Variants in PRKX observed in about 807,000 individuals in gnomAD.
The protein encoded by PRKX is protein kinase cAMP-dependent X-linked catalytic subunit, also known as cAMP-dependent protein kinase catalytic subunit PRKX.
A neutral mutation model predicts 22.0 loss-of-function variants in PRKX; 12 were observed. The observed-to-expected ratio is 0.54, with a 90% CI of 0.35 to 0.88. PRKX has a LOEUF of 0.88. PRKX is among the 40% of genes least tolerant of loss of function. The pLI is 0.01. For missense variants in PRKX, 217 were observed against 308.0 expected (o/e 0.70, Z 2.21); for synonymous variants, 134 against 137.7 (o/e 0.97, Z 0.19).
chrX:3,673,290 G>C (rs1467364026), intron 2 of PRKX, among the ~76,000 whole-genome samples: 14 of 111,536 alleles, frequency 1.3e-4, no homozygotes. Flanking sequence ...AGAAGCCCCG[G>C]AATGAGTGTG....
At chrX:3,638,578 GC>G (rs925423799) in intron 4 of PRKX, among the ~76,000 whole-genome samples, 3 of 111,621 alleles carry the variant, frequency 2.7e-5, no homozygotes, top group Admixed American at 9.6e-5. Context: ...GACATAATGG[GC>G]TAGGGTGCAT....
At chrX:3,623,015 T>C (rs1418016617) in intron 5 of PRKX, among the ~76,000 whole-genome samples, 2 of 111,634 alleles carry the variant, frequency 1.8e-5, no homozygotes, top group Non-Finnish European at 3.8e-5. Flanking sequence ...AGATAAACCT[T>C]TGTTTTCTTA....
chrX:3,645,267 G>C (rs2146576291), intron 3 of PRKX, among the ~76,000 whole-genome samples: 1 of 110,973 alleles, frequency 9.0e-6, no homozygotes, highest in African/African-American at 3.3e-5. Flanking sequence ...ACTATGGCCG[G>C]GGGGAGGGGA....
At chrX:3,671,974 C>T (rs988489846) in intron 2 of PRKX, among the ~76,000 whole-genome samples, 2 of 111,690 alleles carry the variant, frequency 1.8e-5, no homozygotes, top group African/African-American at 3.3e-5. Context: ...AAAACAAAAA[C>T]ATTATCTTCA....
In PRKX at chrX:3,709,183, C is replaced by CAAAAAAAA. The variant is rs35004174; in HGVS notation, c.166+3897_166+3904dup. 6.3e-3 allele frequency among the ~76,000 whole-genome samples: 301 copies of CAAAAAAAA among 47,608 alleles called. 14 individuals are homozygous for CAAAAAAAA. The highest frequency in any genetic ancestry group is 0.022 in the African/African-American group (274 of 12,578). The allele number at this position is 47,608 out of a possible 115,157, so 41.3% of individuals were successfully genotyped here. On this transcript the variant is annotated intron_variant, in intron 1 of 8. Transcript: ENST00000262848. ...TGGGCAACAGAGTGAGACCCTGTCT[C>CAAAAAAAA]AAAAAAAAAAAAAAAAAAAAGCTGA...
rs1237393891 is a variant in PRKX at position 3,614,247 on chromosome X, C to T, written c.951+1568G>A. Among the ~76,000 whole-genome samples, 4 of 112,376 alleles carry T rather than the reference C, an allele frequency of 3.6e-5. No individual in the cohort carries two copies. The East Asian group carries it at 1.1e-3, about 31-fold the overall frequency. ...GTGCAGCGGCTCATGCCTGTAATCC[C>T]AGCACTTCTTTGGGAGACTGAGGCT... On this transcript the variant is annotated intron_variant, in intron 7 of 8. Transcript: ENST00000262848.
chrX:3,677,844 A>G (rs1927995999), intron 1 of PRKX, among the ~76,000 whole-genome samples: 2 of 112,509 alleles, frequency 1.8e-5, no homozygotes, highest in Non-Finnish European at 3.7e-5. Flanking sequence ...AAAAAGTGTA[A>G]GAAGGAAACA....
chrX:3,616,001 A>G (rs1926413419), intron 6 of PRKX, 109 bp from the exon 7 acceptor site: 1 of 703,009 alleles, frequency 1.4e-6, no homozygotes, highest in Admixed American at 2.8e-5. Context: ...CAAACAGACC[A>G]AGTTTGCTGC....
chrX:3,635,842 C>T (rs1348051637), intron 4 of PRKX, among the ~76,000 whole-genome samples: 1 of 111,842 alleles, frequency 8.9e-6, no homozygotes, highest in Non-Finnish European at 1.9e-5. Flanking sequence ...TCTTCTGTCT[C>T]AGCCTCCCAA....
At chrX:3,689,977 G>GA (rs1198390044) in intron 1 of PRKX, among the ~76,000 whole-genome samples, 1 of 110,544 alleles carries the variant, frequency 9.0e-6, no homozygotes, top group Non-Finnish European at 1.9e-5. Context: ...ACTCTGTCTC[G>GA]AAAAAAACAA....
At chrX:3,621,850 T>TG (rs1399186228) in intron 5 of PRKX, among the ~76,000 whole-genome samples, 2 of 110,828 alleles carry the variant, frequency 1.8e-5, no homozygotes, top group Admixed American at 9.7e-5. Context: ...GTACAGCAGG[T>TG]GGGGAGGTTG....
At chrX:3,647,057 AAAGGT>A (rs1927203066) in intron 3 of PRKX, among the ~76,000 whole-genome samples, 1 of 111,264 alleles carries the variant, frequency 9.0e-6, no homozygotes, top group Non-Finnish European at 1.9e-5. Flanking sequence ...AGCTAGGGGA[AAAGGT>A]CTAAAGTAAC....
intron 3 of PRKX, 145 bp downstream of exon 3, chrX:3,655,004 T>C: frequency 1.2e-6 from 1 of 854,342 alleles, no homozygotes; most frequent in East Asian, 3.2e-5. Flanking sequence ...TCAACCTGGC[T>C]CTCTCATCCC....
At chrX:3,655,467 C>A in intron 2 of PRKX, 55 bp from the exon 3 acceptor site, 1 of 1,190,043 alleles carries the variant, frequency 8.4e-7, no homozygotes. Context: ...GCAGGGGGTA[C>A]GCCGTCAGCT....
At chrX:3,615,452 G>T (rs1038459065) in intron 7 of PRKX, among the ~76,000 whole-genome samples, 2 of 111,647 alleles carry the variant, frequency 1.8e-5, no homozygotes, top group African/African-American at 6.5e-5. Context: ...CCTGTTGACC[G>T]CTTTCCACTA....
At chrX:3,671,547 G>A (rs184664526) in intron 2 of PRKX, among the ~76,000 whole-genome samples, 97 of 111,761 alleles carry the variant, frequency 8.7e-4, no homozygotes, top group South Asian at 1.9e-3. Flanking sequence ...ACCACCAGGC[G>A]GACCTGACAT....
rs1236264617 is a variant in PRKX, at chrX:3,626,463, A to G, written c.771T>C (p.Leu257=). 8.3e-6 allele frequency: 10 copies of G among 1,211,437 alleles called. No individual in the cohort carries two copies. Among genetic ancestry groups the G allele is most frequent in the Non-Finnish European group, 1.1e-5 (10 of 894,966 alleles). ...GTCTGGGGAAATCTATTTTGCCTGC[A>G]AGAATTTTCTGATAAATGCCAAACG... is the stretch of plus-strand genomic sequence containing the variant. The part of the protein sequence containing the change: ...DNPFGIYQKI[L]AGKIDFPRHL... Residue 257 remains leucine, a synonymous_variant, in exon 5 of 9, where the codon CTT becomes CTC. Coordinates refer to ENST00000262848, the MANE Select transcript of PRKX (RefSeq NM_005044.5).
chrX:3,689,281 A>T (rs73440557), intron 1 of PRKX, among the ~76,000 whole-genome samples: 1,232 of 113,032 alleles, frequency 0.011, 12 homozygotes, highest in African/African-American at 0.037. Context: ...TGTGTGAAAC[A>T]CGCAGTTCTT....
Position 3,700,333 on chromosome X carries a change from A to C in PRKX, c.166+12755T>G, listed in dbSNP as rs1049718168. The stretch of plus-strand genomic sequence containing the variant: ...GAAAACAGGAAGTTAACGGAGAAAC[A>C]TAAAGGAAACCCTAAGCTGTTTCTT... On this transcript the variant is annotated intron_variant, in intron 1 of 8. Coordinates refer to ENST00000262848, the MANE Select transcript of PRKX (RefSeq NM_005044.5). Among the ~76,000 whole-genome samples, 10 of 112,294 alleles carry C rather than the reference A, an allele frequency of 8.9e-5. No homozygotes were observed. In the Admixed American group the frequency reaches 9.5e-4, roughly 11 times the overall value.
Sources: gnomAD v4.1 joint callset for allele counts (sites outside exome capture counted in the v4.1 genomes callset) on GRCh38, gnomAD v4.1.1 for gene constraint, MANE v1.5 for transcripts, NCBI Gene and HGNC (gene_info 2026-07-23, HGNC 2026-07-21) for gene names.